RELN: variants seen among roughly 807,000 people sequenced by gnomAD.
RELN encodes reelin.
In RELN, 108 loss-of-function variants were observed where a neutral mutation model predicts 427.6. The observed-to-expected ratio is 0.25, with a 90% confidence interval of 0.22 to 0.30. The LOEUF is 0.30. RELN is among the 10% of genes least tolerant of loss of function. RELN has a pLI of 1.00. For synonymous variants in RELN, 1,524 were observed against 1,513.4 expected (o/e 1.01, Z -0.16); for missense variants, 3,715 against 4,302.8 (o/e 0.86, Z 3.82).
intron 38 of RELN, among the ~76,000 whole-genome samples, chr7:103,554,718 T>C (rs573173046): frequency 1.4e-4 from 22 of 152,270 alleles, no homozygotes; most frequent in East Asian, 5.8e-4. Context: ...ATAATAGCAG[T>C]GCTATGAACC....
intron 27 of RELN, among the ~76,000 whole-genome samples, chr7:103,593,083 T>G (rs1371672869): frequency 1.3e-5 from 2 of 152,182 alleles, no homozygotes; most frequent in Non-Finnish European, 2.9e-5. Flanking sequence ...ACTGCATTAC[T>G]TTCAACCCCA....
At chr7:103,883,538 C>G (rs978538063) in intron 2 of RELN, among the ~76,000 whole-genome samples, 1 of 152,168 alleles carries the variant, frequency 6.6e-6, no homozygotes, top group Non-Finnish European at 1.5e-5. Context: ...AAAACCCCAT[C>G]GACTCAGCCC....
Position 103,631,039 on chromosome 7 carries a change from T to A in RELN, c.2466-863A>T, listed in dbSNP as rs79268726. ...TGAAGAAACACGCTAAACCACCTCT[T>A]GGGAATGTACTGTTTTACATATTGA... On this transcript the variant is annotated intron_variant, in intron 19 of 64. Transcript: ENST00000428762. Among the ~76,000 whole-genome samples the A allele has an allele frequency of 4.5e-3, 689 of 151,948 alleles. 9 individuals are homozygous for A. The highest frequency in any genetic ancestry group is 0.016 in the African/African-American group (657 of 41,492).
chr7:103,745,016 G>A (rs1037514436), intron 6 of RELN, among the ~76,000 whole-genome samples: 9 of 152,222 alleles, frequency 5.9e-5, no homozygotes, highest in African/African-American at 2.2e-4. Flanking sequence ...AAAATCCTCA[G>A]TAAAATACTG....
intron 20 of RELN, among the ~76,000 whole-genome samples, chr7:103,622,115 T>G (rs891772001): frequency 1.3e-5 from 2 of 152,244 alleles, no homozygotes; most frequent in South Asian, 2.1e-4. Context: ...TAGACTTTTC[T>G]TGCCATTAAT....
chr7:103,661,539 G>A lies in RELN; in HGVS notation c.1290-12C>T, dbSNP rs1026108408. ...CCAAGACATCCCATCTAAAAAAAAAGGGGGATTAAGAGTTAGAGTTAGAAT... is the reference window on the plus strand; with the variant it reads ...CCAAGACATCCCATCTAAAAAAAAAAGGGGATTAAGAGTTAGAGTTAGAAT... On this transcript the variant is annotated splice_polypyrimidine_tract_variant and intron_variant, in intron 11 of 64. Coordinates refer to ENST00000428762, the MANE Select transcript of RELN (RefSeq NM_005045.4). 1.9e-6 allele frequency: 3 copies of A among 1,609,054 alleles called. No individual in the cohort carries two copies. The African/African-American group carries it at 4.1e-5, about 22-fold the overall frequency.
intron 3 of RELN, among the ~76,000 whole-genome samples, chr7:103,794,037 A>C (rs1297258109): frequency 6.6e-6 from 1 of 152,152 alleles, no homozygotes; most frequent in Non-Finnish European, 1.5e-5. Context: ...AAAGTGCTGC[A>C]ATTACAAGCA....
At chr7:103,710,197 G>A (rs1372940629) in intron 8 of RELN, among the ~76,000 whole-genome samples, 1 of 152,108 alleles carries the variant, frequency 6.6e-6, no homozygotes, top group Non-Finnish European at 1.5e-5. Context: ...ATAGTCTGAT[G>A]GCCATATTTT....
At chr7:103,747,642 CTTT>C (rs541976561) in intron 6 of RELN, among the ~76,000 whole-genome samples, 1,592 of 123,838 alleles carry the variant, frequency 0.013, 35 homozygotes, top group African/African-American at 0.044. Context: ...CCTACTCTCA[CTTT>C]TTTTTTTTTT....
intron 2 of RELN, among the ~76,000 whole-genome samples, chr7:103,894,210 T>G (rs948662412): frequency 6.6e-6 from 1 of 152,172 alleles, no homozygotes; most frequent in Non-Finnish European, 1.5e-5. Context: ...CCTCCCTATC[T>G]TTTGAACAAT....
chr7:103,552,685 T>C (rs568069858), intron 40 of RELN, among the ~76,000 whole-genome samples: 2 of 151,782 alleles, frequency 1.3e-5, no homozygotes, highest in African/African-American at 4.8e-5. Flanking sequence ...GTATTTTTAG[T>C]GAGACGGGGT....
At chr7:103,478,584 A>G in intron 63 of RELN, 190 bp from the exon 64 acceptor site, 1 of 601,818 alleles carries the variant, frequency 1.7e-6, no homozygotes, top group Non-Finnish European at 3.0e-6. Flanking sequence ...AGATCTACAT[A>G]TACTTTTCTA....
At chr7:103,746,449 G>T (rs1790833935) in intron 6 of RELN, among the ~76,000 whole-genome samples, 1 of 151,818 alleles carries the variant, frequency 6.6e-6, no homozygotes. Context: ...CTTCTGCACA[G>T]CAAAAGAAAC....
At chr7:103,492,125 A>G (rs1828694289) in intron 57 of RELN, 99 bp from the exon 58 acceptor site, 1 of 930,802 alleles carries the variant, frequency 1.1e-6, no homozygotes, top group Non-Finnish European at 1.7e-6. Flanking sequence ...CTGATAGGTA[A>G]TATTCAGAGA....
At chr7:103,764,441 A>C (rs1048485231) in intron 4 of RELN, among the ~76,000 whole-genome samples, 4 of 152,214 alleles carry the variant, frequency 2.6e-5, no homozygotes, top group Non-Finnish European at 5.9e-5. Context: ...TCATGCTCAC[A>C]ATCATTTTAC....
intron 44 of RELN, 103 bp from the exon 45 acceptor site, chr7:103,539,430 C>T: frequency 1.7e-6 from 2 of 1,210,316 alleles, no homozygotes; most frequent in Non-Finnish European, 2.3e-6. Flanking sequence ...ATCTGTTGGC[C>T]TGCTCAGAAC....
At chr7:103,837,655 C>T (rs1333164131) in intron 2 of RELN, among the ~76,000 whole-genome samples, 2 of 152,112 alleles carry the variant, frequency 1.3e-5, no homozygotes, top group African/African-American at 4.8e-5. Context: ...CAAAGACTTC[C>T]CTCACTGCCC....
At chr7:103,961,620 G>A (rs1796555683) in intron 1 of RELN, among the ~76,000 whole-genome samples, 1 of 152,134 alleles carries the variant, frequency 6.6e-6, no homozygotes, top group Non-Finnish European at 1.5e-5. Context: ...AGAAGACAAG[G>A]ACATTACAGG....
intron 28 of RELN, among the ~76,000 whole-genome samples, chr7:103,579,666 T>A (rs796191589): frequency 1.3e-5 from 2 of 152,178 alleles, no homozygotes; most frequent in African/African-American, 4.8e-5. Flanking sequence ...CATTCCCTTT[T>A]GTTGTTTTGC....
Sources: gnomAD v4.1 joint callset for allele counts (sites outside exome capture counted in the v4.1 genomes callset) on GRCh38, gnomAD v4.1.1 for gene constraint, MANE v1.5 for transcripts, NCBI Gene and HGNC (gene_info 2026-07-23, HGNC 2026-07-21) for gene names.